CNTNAP2: variants seen among roughly 807,000 people sequenced by gnomAD.
The protein encoded by CNTNAP2 is contactin-associated protein-like 2.
In CNTNAP2, 98 loss-of-function variants were observed where a neutral mutation model predicts 155.2. The ratio of observed to expected loss-of-function variants is 0.63; its 90% CI spans 0.54 to 0.75. The LOEUF (loss-of-function observed/expected upper bound fraction) is 0.75. CNTNAP2 is among the 30% of genes least tolerant of loss of function. The pLI is 0.00. For synonymous variants in CNTNAP2, 651 were observed against 631.2 expected (o/e 1.03, Z -0.47); for missense variants, 1,727 against 1,688.1 (o/e 1.02, Z -0.40).
chr7:147,917,413 C>T (rs1800179485), intron 14 of CNTNAP2, among the ~76,000 whole-genome samples: 1 of 152,194 alleles, frequency 6.6e-6, no homozygotes, highest in Non-Finnish European at 1.5e-5. Context: ...GTCCAGGCTC[C>T]TTCCAGCTCT....
At chr7:146,609,296 CTGCAGTAG>C (rs1450462204) in intron 1 of CNTNAP2, among the ~76,000 whole-genome samples, 1 of 152,164 alleles carries the variant, frequency 6.6e-6, no homozygotes, top group Non-Finnish European at 1.5e-5. Context: ...CACCCCATAG[CTGCAGTAG>C]TATTTATTCA....
intron 1 of CNTNAP2, among the ~76,000 whole-genome samples, chr7:146,458,379 G>A (rs1249586462): frequency 2.0e-5 from 3 of 152,076 alleles, no homozygotes; most frequent in African/African-American, 2.4e-5. Context: ...TTTAATAAAT[G>A]TCTATTAAGA....
chr7:147,107,932 A>G (rs542218324), intron 4 of CNTNAP2, among the ~76,000 whole-genome samples: 1 of 152,286 alleles, frequency 6.6e-6, no homozygotes, highest in African/African-American at 2.4e-5. Context: ...TTCAACTGAT[A>G]GAGCTTTTAT....
At chr7:146,758,318 G>T (rs778923584) in intron 1 of CNTNAP2, among the ~76,000 whole-genome samples, 28 of 152,206 alleles carry the variant, frequency 1.8e-4, no homozygotes, top group Non-Finnish European at 4.0e-4. Context: ...AAAATCTCTA[G>T]ATTGTAGTGC....
chr7:148,176,353 C>G (rs1009875775), intron 18 of CNTNAP2, among the ~76,000 whole-genome samples: 29 of 151,490 alleles, frequency 1.9e-4, no homozygotes, highest in Non-Finnish European at 3.4e-4. Context: ...TCCCGAGTAG[C>G]TGGGATTACA....
At chr7:146,836,660 A>C (rs2129199820) in intron 2 of CNTNAP2, among the ~76,000 whole-genome samples, 1 of 152,270 alleles carries the variant, frequency 6.6e-6, no homozygotes, top group South Asian at 2.1e-4. Flanking sequence ...CTTTTAATGA[A>C]ATTTAAAAAC....
intron 2 of CNTNAP2, among the ~76,000 whole-genome samples, chr7:146,800,967 G>T (rs1159159154): frequency 2.0e-5 from 3 of 152,070 alleles, no homozygotes; most frequent in Non-Finnish European, 2.9e-5. Flanking sequence ...GAAGAATAAG[G>T]AGAGTCTGAA....
At chr7:148,020,483 T>C (rs6970931) in intron 15 of CNTNAP2, among the ~76,000 whole-genome samples, 10,043 of 152,278 alleles carry the variant, frequency 0.066, 744 homozygotes, top group African/African-American at 0.19. Flanking sequence ...ATGACTGAAC[T>C]TTTACTATCA....
At chr7:147,823,118 A>T (rs545152907) in intron 13 of CNTNAP2, among the ~76,000 whole-genome samples, 1 of 152,286 alleles carries the variant, frequency 6.6e-6, no homozygotes, top group South Asian at 2.1e-4. Context: ...AAAATTGTGA[A>T]TCCTTTTCAT....
Position 146,193,110 on chromosome 7 carries a change from A to T in CNTNAP2, c.97+76137A>T, listed in dbSNP as rs185383529. 9.2e-5 allele frequency among the ~76,000 whole-genome samples: 14 copies of T among 152,322 alleles called. No individual in the cohort carries two copies. In the South Asian group the frequency reaches 1.7e-3, roughly 18 times the overall value. ...CATGGTCTTGGACAGCTCCACCCCT[A>T]TGGCTTTGCAGGGTACAGCCTCTCT... On this transcript the variant is annotated intron_variant, in intron 1 of 23. Coordinates refer to ENST00000361727, the MANE Select transcript of CNTNAP2 (RefSeq NM_014141.6).
chr7:146,710,303 G>A (rs1801040866), intron 1 of CNTNAP2, among the ~76,000 whole-genome samples: 1 of 152,202 alleles, frequency 6.6e-6, no homozygotes, highest in East Asian at 1.9e-4. Flanking sequence ...CTGTAGTGTT[G>A]CTGCTTAGAA....
At chr7:146,999,835 G>C (rs1346125144) in intron 3 of CNTNAP2, among the ~76,000 whole-genome samples, 1 of 151,916 alleles carries the variant, frequency 6.6e-6, no homozygotes, top group African/African-American at 2.4e-5. Flanking sequence ...TTTGACAGTT[G>C]CAGTATAACT....
At chr7:146,714,695 A>G (rs1195478886) in intron 1 of CNTNAP2, among the ~76,000 whole-genome samples, 1 of 152,240 alleles carries the variant, frequency 6.6e-6, no homozygotes, top group Middle Eastern at 3.2e-3. Flanking sequence ...TGGACATAAG[A>G]ATTAAATAAA....
chr7:147,810,231 A>G (rs1798159028), intron 13 of CNTNAP2, among the ~76,000 whole-genome samples: 1 of 150,930 alleles, frequency 6.6e-6, no homozygotes, highest in African/African-American at 2.4e-5. Flanking sequence ...AGATATAGAT[A>G]TATATCAATA....
intron 12 of CNTNAP2, among the ~76,000 whole-genome samples, chr7:147,607,563 C>T (rs1261174831): frequency 6.6e-6 from 1 of 152,136 alleles, no homozygotes; most frequent in African/African-American, 2.4e-5. Flanking sequence ...GCCCGCAGTG[C>T]CCCCAAGGAT....
At chr7:146,715,748 T>G (rs1375362926) in intron 1 of CNTNAP2, among the ~76,000 whole-genome samples, 1 of 152,174 alleles carries the variant, frequency 6.6e-6, no homozygotes, top group African/African-American at 2.4e-5. Context: ...TTTTAAAATA[T>G]TTTTTATTGT....
chr7:147,037,984 T>C (rs1178594014), intron 3 of CNTNAP2, among the ~76,000 whole-genome samples: 1 of 152,142 alleles, frequency 6.6e-6, no homozygotes. Flanking sequence ...AATCTCAATA[T>C]GCTTGGATGA....
intron 15 of CNTNAP2, among the ~76,000 whole-genome samples, chr7:147,980,190 G>C (rs1427264695): frequency 6.6e-6 from 1 of 151,986 alleles, no homozygotes; most frequent in Non-Finnish European, 1.5e-5. Context: ...TTAATTTTAG[G>C]CTTTGTAATA....
chr7:147,061,910 C>A (rs112306868), intron 4 of CNTNAP2, among the ~76,000 whole-genome samples: 18 of 151,942 alleles, frequency 1.2e-4, no homozygotes, highest in African/African-American at 3.9e-4. Context: ...GGGCGGATCA[C>A]GAGGTCAGGA....
Sources: gnomAD v4.1 joint callset for allele counts (sites outside exome capture counted in the v4.1 genomes callset) on GRCh38, gnomAD v4.1.1 for gene constraint, MANE v1.5 for transcripts, NCBI Gene and HGNC (gene_info 2026-07-23, HGNC 2026-07-21) for gene names.